The following PROSER2 variants were observed in gnomAD, a reference collection of about 807,000 sequenced individuals.
PROSER2 encodes the protein proline and serine rich 2, also known as proline and serine-rich protein 2.
In PROSER2, 18 loss-of-function variants were observed where a neutral mutation model predicts 14.6. That is an observed-to-expected ratio of 1.23 (90% CI 0.85 to 1.83). The LOEUF is 1.83. Among genes scored for constraint, PROSER2 ranks in the 40% most tolerant of loss-of-function variants. PROSER2 has a pLI of 0.00. For synonymous variants in PROSER2, 367 were observed against 286.4 expected, an observed-to-expected ratio of 1.28 and a Z score of -2.84; for missense variants, 823 against 629.8, an observed-to-expected ratio of 1.31 and a Z score of -3.28.
chr10:11,843,710 A>T (rs1833883955), intron 1 of PROSER2, among the ~76,000 whole-genome samples: 1 of 146,820 alleles, frequency 6.8e-6, no homozygotes, highest in Admixed American at 6.8e-5. Context: ...AAATTAGCCC[A>T]CCGTGGTGGT....
At chr10:11,843,187 A>T (rs768999201) in intron 1 of PROSER2, among the ~76,000 whole-genome samples, 2 of 146,004 alleles carry the variant, frequency 1.4e-5, no homozygotes, top group African/African-American at 5.0e-5. Flanking sequence ...TGATCCGCCC[A>T]CCTCGGCCTC....
chr10:11,870,228 C>T lies in PROSER2; in HGVS notation c.1130C>T (p.Thr377Met), dbSNP rs770720122. 6 of 1,490,482 alleles carry T rather than the reference C, an allele frequency of 4.0e-6. No homozygotes were observed. Among genetic ancestry groups the T allele is most frequent in the East Asian group, 2.8e-5 (1 of 35,332 alleles). 92.3% of individuals were successfully genotyped at this position (1,490,482 alleles called of 1,614,324 possible). ...CGCCCTGGCCCGGCCCTGCCCAGCA[C>T]GCGGGCCCGTCAGAGCTTCCCCGGG... ...CFRPGPALPS[T>M]RARQSFPGPR... Residue 377 changes from threonine to methionine, a missense_variant, in exon 4 of 4, where the codon ACG becomes ATG. Physicochemically the swap from Thr to Met is moderately conservative, Grantham distance 81. Transcript: ENST00000277570.
In PROSER2 at chr10:11,870,135, C is replaced by T. The variant is rs1329392207; in HGVS notation, c.1037C>T (p.Pro346Leu). Residue 346 changes from proline to leucine, a missense_variant, in exon 4 of 4, where the codon CCA becomes CTA. Physicochemically the swap from Pro to Leu is moderately conservative, Grantham distance 98 (BLOSUM62 -3). Transcript: ENST00000277570. The part of the protein sequence containing the change: ...PRGPALANGF[P>L]SAHEALKSAP... The stretch of plus-strand genomic sequence containing the variant: ...GGCCCGGCGCTGGCCAACGGCTTCC[C>T]AAGTGCGCACGAGGCCCTGAAGAGC... 2 of 1,393,880 alleles carry T rather than the reference C, an allele frequency of 1.4e-6. No homozygotes were observed. Among genetic ancestry groups the T allele is most frequent in the Non-Finnish European group, 1.9e-6 (2 of 1,080,096 alleles). 86.3% of individuals were successfully genotyped at this position (1,393,880 alleles called of 1,614,324 possible). A position where few individuals can be genotyped will look rare whatever the true frequency, so the allele number is the denominator to read the frequency against.
intron 1 of PROSER2, among the ~76,000 whole-genome samples, chr10:11,843,464 G>T (rs1160415586): frequency 6.6e-6 from 1 of 151,382 alleles, no homozygotes; most frequent in Non-Finnish European, 1.5e-5. Context: ...AAGGCGGGCA[G>T]ATCATGAGGT....
rs886254741 is a variant in PROSER2 at position 11,871,979 on chromosome 10, T to G, written c.*1573T>G. On this transcript the variant is annotated 3_prime_UTR_variant, in exon 4 of 4. Transcript: ENST00000277570. Reference sequence around the variant, plus strand: ...GATTCCTGATCTTAATTTAAATAGGTGCTTTAATTTTACAGCTTTCAAAAG... The same window carrying G: ...GATTCCTGATCTTAATTTAAATAGGGGCTTTAATTTTACAGCTTTCAAAAG... 3.3e-5 allele frequency: 5 copies of G among 152,258 alleles called. No homozygotes were observed. The highest frequency in any genetic ancestry group is 1.2e-4 in the African/African-American group (5 of 41,472). 9.4% of individuals were successfully genotyped at this position (152,258 alleles called of 1,614,324 possible). A position where few individuals can be genotyped will look rare whatever the true frequency, so the allele number is the denominator to read the frequency against.
intron 2 of PROSER2, among the ~76,000 whole-genome samples, chr10:11,859,038 G>C (rs58431219): frequency 0.23 from 30,050 of 130,482 alleles, 3,403 homozygotes; most frequent in Middle Eastern, 0.34. Context: ...AAAAAGGAGA[G>C]ATGGTTTCCT....
Position 11,869,728 on chromosome 10 carries a change from C to A in PROSER2, c.630C>A (p.Ala210=). The change falls in exon 4 of 4, where the codon GCC becomes GCA. Residue 210 remains alanine (A), a synonymous_variant. Transcript: ENST00000277570. The surrounding 1 kb of genome is among the most constrained non-coding windows in gnomAD (Gnocchi z 4.4). ...CCGAGAGGATGGCGGGGAACGAAGC[C>A]CTCTCGCCCACCTCCCCGTTCAGGG... ...KISERMAGNE[A]LSPTSPFREG... is the part of the protein sequence containing the mutation. The A allele has an allele frequency of 6.3e-7, 1 of 1,590,814 alleles. No individual in the cohort carries two copies. The highest frequency in any genetic ancestry group is 8.5e-7 in the Non-Finnish European group (1 of 1,169,806).
At position 11,852,186 on chromosome 10, in the gene PROSER2, A is replaced by G; in HGVS notation, c.109A>G (p.Ser37Gly). 6.2e-7 allele frequency: 1 copy of G among 1,612,562 alleles called. No individual in the cohort carries two copies. The highest frequency in any genetic ancestry group is 8.5e-7 in the Non-Finnish European group (1 of 1,179,294). The change falls in exon 2 of 4, where the codon AGC becomes GGC. Residue 37 changes from serine to glycine, a missense_variant. By Grantham distance (56) the Ser-to-Gly change is moderately conservative. Coordinates refer to ENST00000277570, the MANE Select transcript of PROSER2 (RefSeq NM_153256.4). The stretch of plus-strand genomic sequence containing the variant: ...AGGCGGCAGCCTGGAGAGTCGAAGC[A>G]GCAGCTCTCGCTCCAGAAGCTTCAC... ...SRGGSLESRS[S>G]SSRSRSFTLD...
At chr10:11,839,393 T>G (rs1833805353) in intron 1 of PROSER2, among the ~76,000 whole-genome samples, 1 of 152,206 alleles carries the variant, frequency 6.6e-6, no homozygotes, top group Non-Finnish European at 1.5e-5. Context: ...ATAAATTCTT[T>G]AGGTCATATT....
rs544590413 is a variant in PROSER2 at position 11,856,295 on chromosome 10, C to G, written c.138+4080C>G. 8.2e-4 allele frequency among the ~76,000 whole-genome samples: 125 copies of G among 152,340 alleles called. 1 individual carries two copies. Among genetic ancestry groups the G allele is most frequent in the Admixed American group, 2.0e-3 (30 of 15,308 alleles). ...CTAAGGCCTGTGTCTCCAGGGCTCACCTCGTCTCACAAAACCCCCTGGGTG... is the reference window on the plus strand; with the variant it reads ...CTAAGGCCTGTGTCTCCAGGGCTCAGCTCGTCTCACAAAACCCCCTGGGTG... On this transcript the variant is annotated intron_variant, in intron 2 of 3. Coordinates refer to ENST00000277570, the MANE Select transcript of PROSER2 (RefSeq NM_153256.4). The surrounding 1 kb of genome is among the most constrained non-coding windows in gnomAD (Gnocchi z 5.3).
intron 2 of PROSER2, among the ~76,000 whole-genome samples, chr10:11,858,131 G>C (rs942419637): frequency 1.3e-5 from 2 of 151,978 alleles, no homozygotes; most frequent in Non-Finnish European, 2.9e-5. Flanking sequence ...TAGAAACGGG[G>C]TTTCACCATG....
At chr10:11,863,559 T>C (rs1015635171) in intron 2 of PROSER2, among the ~76,000 whole-genome samples, 2 of 148,854 alleles carry the variant, frequency 1.3e-5, no homozygotes, top group African/African-American at 4.9e-5. Context: ...AAAAAAAAAG[T>C]ACAGCAGAAG....
chr10:11,850,895 C>G (rs925664137), intron 1 of PROSER2: 1 of 152,214 alleles, frequency 6.6e-6, no homozygotes, highest in Non-Finnish European at 1.5e-5. Flanking sequence ...TCTAACATGC[C>G]GTTCAGGGGC....
chr10:11,834,809 G>A (rs1323575477), intron 1 of PROSER2, among the ~76,000 whole-genome samples: 1 of 151,894 alleles, frequency 6.6e-6, no homozygotes, highest in Non-Finnish European at 1.5e-5. Flanking sequence ...TTTTAGAAAT[G>A]TTAGTTATTG....
At chr10:11,847,162 T>A (rs200732868) in intron 1 of PROSER2, among the ~76,000 whole-genome samples, 2,876 of 106,732 alleles carry the variant, frequency 0.027, 102 homozygotes, top group African/African-American at 0.074. Flanking sequence ...TAAATATATA[T>A]ATATATATAT....
Position 11,869,422 on chromosome 10 carries a change from G to A in PROSER2, c.392-68G>A, listed in dbSNP as rs1187892579. ...AGGTTGAGGCTCTTTTCAGTTCAGC[G>A]AGAGGGAACTTCATGCATTTACTTT... On this transcript the variant is annotated intron_variant, in intron 3 of 3. Transcript: ENST00000277570. The surrounding 1 kb of genome is among the most constrained non-coding windows in gnomAD (Gnocchi z 4.4). The A allele has an allele frequency of 4.1e-6, 5 of 1,222,920 alleles. No individual in the cohort carries two copies. The highest frequency in any genetic ancestry group is 3.5e-5 in the Admixed American group (2 of 57,236). 75.8% of individuals were successfully genotyped at this position (1,222,920 alleles called of 1,614,324 possible). A position where few individuals can be genotyped will look rare whatever the true frequency, so the allele number is the denominator to read the frequency against.
intron 1 of PROSER2, among the ~76,000 whole-genome samples, chr10:11,841,191 C>T (rs977812002): frequency 6.6e-6 from 1 of 151,300 alleles, no homozygotes; most frequent in Non-Finnish European, 1.5e-5. Flanking sequence ...TAAGCTTTAA[C>T]GAGATATTCT....
chr10:11,835,047 C>G (rs890759153), intron 1 of PROSER2, among the ~76,000 whole-genome samples: 1 of 149,298 alleles, frequency 6.7e-6, no homozygotes, highest in African/African-American at 2.5e-5. Flanking sequence ...GCAGAAGTTG[C>G]AGTGAGCTGA....
intron 1 of PROSER2, among the ~76,000 whole-genome samples, chr10:11,839,095 A>G (rs1833800168): frequency 6.6e-6 from 1 of 152,212 alleles, no homozygotes; most frequent in Non-Finnish European, 1.5e-5. Context: ...CATTTAGTAC[A>G]AACAACATTA....
Sources: gnomAD v4.1 joint callset for allele counts (sites outside exome capture counted in the v4.1 genomes callset) on GRCh38, gnomAD v4.1.1 for gene constraint, Gnocchi (gnomAD v3.1) non-coding constraint, MANE v1.5 for transcripts, NCBI Gene and HGNC (gene_info 2026-07-23, HGNC 2026-07-21) for gene names.